Variants in RNF180 observed in about 807,000 individuals in gnomAD.
RNF180 encodes ring finger protein 180.
In RNF180, 38 loss-of-function variants were observed where a neutral mutation model predicts 59.2. That is an observed-to-expected ratio of 0.64 (90% CI 0.50 to 0.84). The LOEUF (loss-of-function observed/expected upper bound fraction) is 0.84. RNF180 is among the 40% of genes least tolerant of loss of function. The probability of loss-of-function intolerance (pLI) is 0.00; values close to 1 mark genes in which losing one functional copy is unlikely to be tolerated. For missense variants in RNF180, 705 were observed against 700.9 expected, an observed-to-expected ratio of 1.01 and a Z score of -0.07; for synonymous variants, 262 against 240.3, an observed-to-expected ratio of 1.09 and a Z score of -0.84.
chr5:64,218,565 T>G (rs776750470), intron 5 of RNF180, among the ~76,000 whole-genome samples: 26 of 152,210 alleles, frequency 1.7e-4, no homozygotes, highest in Non-Finnish European at 3.7e-4. Context: ...TTTTTGACTT[T>G]CCATATAAAA....
chr5:64,215,345 A>C (rs926644488), intron 4 of RNF180, among the ~76,000 whole-genome samples: 1 of 152,124 alleles, frequency 6.6e-6, no homozygotes, highest in Non-Finnish European at 1.5e-5. Context: ...AAAATACAGA[A>C]AGCTGCAACT....
intron 5 of RNF180, among the ~76,000 whole-genome samples, chr5:64,269,518 A>C (rs763621215): frequency 5.9e-5 from 9 of 152,166 alleles, no homozygotes; most frequent in Non-Finnish European, 1.3e-4. Flanking sequence ...TGTGTGCCCA[A>C]GTAAAAGCCT....
At chr5:64,317,623 TACACACACAC>T (rs3069586) in intron 5 of RNF180, among the ~76,000 whole-genome samples, 1 of 144,924 alleles carries the variant, frequency 6.9e-6, no homozygotes, top group African/African-American at 2.6e-5. Context: ...CACACATATA[TACACACACAC>T]ACACACACAC....
intron 5 of RNF180, among the ~76,000 whole-genome samples, chr5:64,254,722 G>A (rs149693150): frequency 8.5e-5 from 13 of 152,180 alleles, no homozygotes; most frequent in Admixed American, 2.6e-4. Flanking sequence ...TAGAGTAGGC[G>A]AAGCTTATTC....
intron 1 of RNF180, among the ~76,000 whole-genome samples, chr5:64,195,370 G>A (rs1418944090): frequency 2.0e-5 from 3 of 152,124 alleles, no homozygotes; most frequent in South Asian, 2.1e-4. Context: ...TAAAATCATC[G>A]TAGTAAGCAA....
chr5:64,303,310 C>G (rs1373776349), intron 5 of RNF180, among the ~76,000 whole-genome samples: 2 of 151,530 alleles, frequency 1.3e-5, no homozygotes, highest in Non-Finnish European at 3.0e-5. Flanking sequence ...TCTAAGTGTT[C>G]ATGTGAAAGG....
chr5:64,204,564 G>A (rs780387093), intron 2 of RNF180, among the ~76,000 whole-genome samples: 16 of 152,058 alleles, frequency 1.1e-4, no homozygotes, highest in Non-Finnish European at 2.2e-4. Context: ...GAGATTCTGT[G>A]TTCTAAATAC....
At chr5:64,348,632 C>G (rs1365697971) in intron 7 of RNF180, among the ~76,000 whole-genome samples, 5 of 151,924 alleles carry the variant, frequency 3.3e-5, no homozygotes, top group Admixed American at 6.6e-5. Flanking sequence ...AAGAGAAAAT[C>G]TCTCAACCTG....
rs113282201 is a variant in RNF180, at chr5:64,320,890, T to G, written c.1228-4296T>G. On this transcript the variant is annotated intron_variant, in intron 5 of 7. Coordinates refer to ENST00000389100, the MANE Select transcript of RNF180 (RefSeq NM_001113561.2). The stretch of plus-strand genomic sequence containing the variant: ...TGTCTCTACTAAAAATACAAAAAAT[T>G]AGCCGGGCGAGGTGGCGGGCACCTG... Among the ~76,000 whole-genome samples, 4 of 151,988 alleles carry G rather than the reference T, an allele frequency of 2.6e-5. 1 individual carries two copies. Among genetic ancestry groups the G allele is most frequent in the African/African-American group, 9.7e-5 (4 of 41,448 alleles).
At chr5:64,290,462 T>C (rs532665990) in intron 5 of RNF180, among the ~76,000 whole-genome samples, 12 of 152,314 alleles carry the variant, frequency 7.9e-5, no homozygotes, top group African/African-American at 2.9e-4. Flanking sequence ...ATCTGTGTAA[T>C]ATTGTCAGTG....
chr5:64,206,544 T>C (rs1468950231), intron 2 of RNF180, among the ~76,000 whole-genome samples: 2 of 152,222 alleles, frequency 1.3e-5, no homozygotes, highest in African/African-American at 2.4e-5. Flanking sequence ...TTTTTATGCT[T>C]ATTACATTTT....
At chr5:64,237,287 G>A (rs1043574175) in intron 5 of RNF180, among the ~76,000 whole-genome samples, 1 of 152,222 alleles carries the variant, frequency 6.6e-6, no homozygotes, top group Non-Finnish European at 1.5e-5. Flanking sequence ...TGGAGTCAAA[G>A]GAGATGTTAG....
intron 7 of RNF180, among the ~76,000 whole-genome samples, chr5:64,357,064 A>C (rs1294006385): frequency 6.6e-6 from 1 of 151,886 alleles, no homozygotes; most frequent in Non-Finnish European, 1.5e-5. Flanking sequence ...CGAAACAAAA[A>C]AATGTGTAAT....
intron 5 of RNF180, among the ~76,000 whole-genome samples, chr5:64,250,677 T>G (rs1743509817): frequency 6.6e-6 from 1 of 152,110 alleles, no homozygotes; most frequent in South Asian, 2.1e-4. Context: ...ATAAATTCCT[T>G]TATGCATACA....
chr5:64,190,062 T>A (rs1034371064), intron 1 of RNF180, among the ~76,000 whole-genome samples: 4 of 152,186 alleles, frequency 2.6e-5, no homozygotes, highest in African/African-American at 7.2e-5. Flanking sequence ...TCTTCAGTTT[T>A]AGCAGTTGAA....
In RNF180 at chr5:64,346,961, T is replaced by C. The variant is rs184867430; in HGVS notation, c.1579+16555T>C. Among the ~76,000 whole-genome samples, 486 of 152,306 alleles carry C rather than the reference T, an allele frequency of 3.2e-3. 1 individual carries two copies. Among genetic ancestry groups the C allele is most frequent in the African/African-American group, 0.011 (478 of 41,574 alleles). ...GTTTATTTTCTGCATATCTGAACTA[T>C]GATGAAGAATGAATTAATCAGAAGA... On this transcript the variant is annotated intron_variant, in intron 7 of 7. Transcript: ENST00000389100.
intron 5 of RNF180, among the ~76,000 whole-genome samples, chr5:64,278,973 C>T (rs941811566): frequency 6.6e-6 from 1 of 152,026 alleles, no homozygotes; most frequent in African/African-American, 2.4e-5. Flanking sequence ...AGAGTGGTCC[C>T]AGCCAAAGCT....
At chr5:64,171,261 CTGTT>C (rs1261332156) in intron 1 of RNF180, among the ~76,000 whole-genome samples, 1 of 152,178 alleles carries the variant, frequency 6.6e-6, no homozygotes, top group Non-Finnish European at 1.5e-5. Flanking sequence ...TAATGCTAGA[CTGTT>C]TGTAAAAATT....
chr5:64,237,712 G>A (rs1370643617), intron 5 of RNF180, among the ~76,000 whole-genome samples: 1 of 152,134 alleles, frequency 6.6e-6, no homozygotes, highest in East Asian at 1.9e-4. Context: ...GAGATTGGGT[G>A]GGAAGTGATT....
Sources: allele counts gnomAD v4.1 joint callset (sites outside exome capture counted in the v4.1 genomes callset), GRCh38; gene constraint gnomAD v4.1.1; transcripts MANE v1.5; gene names NCBI Gene and HGNC (gene_info 2026-07-23, HGNC 2026-07-21).